The following ASTN1 variants were observed in gnomAD, a reference collection of about 807,000 sequenced individuals.
ASTN1 encodes the protein astrotactin 1.
ASTN1 carries 41 observed loss-of-function variants against 140.7 expected under a neutral mutation model. That is an observed-to-expected ratio of 0.29 (90% CI 0.23 to 0.38). The LOEUF is 0.38. ASTN1 is among the 10% of genes least tolerant of loss of function. The pLI is 1.00. For missense variants in ASTN1, 1,479 were observed against 1,678.8 expected (o/e 0.88, Z 2.08); for synonymous variants, 640 against 652.2 (o/e 0.98, Z 0.29).
intron 1 of ASTN1, among the ~76,000 whole-genome samples, chr1:177,118,464 T>G (rs1681206434): frequency 6.6e-6 from 1 of 152,172 alleles, no homozygotes. Flanking sequence ...TATCTTCATA[T>G]TCTTGGTGTC....
intron 16 of ASTN1, among the ~76,000 whole-genome samples, chr1:176,901,719 C>A (rs112200750): frequency 0.014 from 2,140 of 152,270 alleles, 49 homozygotes; most frequent in African/African-American, 0.049. Flanking sequence ...GGAGCCCTTC[C>A]CAGTCTCCAG....
chr1:176,937,845 C>T (rs1439607587), intron 14 of ASTN1, among the ~76,000 whole-genome samples: 1 of 152,054 alleles, frequency 6.6e-6, no homozygotes, highest in African/African-American at 2.4e-5. Context: ...CCATTTCGAC[C>T]CATGTTTCTT....
intron 1 of ASTN1, among the ~76,000 whole-genome samples, chr1:177,070,624 T>C (rs1053516337): frequency 6.6e-6 from 1 of 152,206 alleles, no homozygotes; most frequent in Non-Finnish European, 1.5e-5. Flanking sequence ...TCAGTATTCA[T>C]GAACTAACTT....
intron 13 of ASTN1, among the ~76,000 whole-genome samples, chr1:176,945,488 G>A (rs1275065807): frequency 1.3e-5 from 2 of 152,140 alleles, no homozygotes; most frequent in African/African-American, 2.4e-5. Flanking sequence ...TGTTTGGGAA[G>A]AAAATTCAGC....
intron 3 of ASTN1, among the ~76,000 whole-genome samples, chr1:177,031,742 G>C (rs1410474703): frequency 1.3e-5 from 2 of 152,098 alleles, no homozygotes; most frequent in Non-Finnish European, 2.9e-5. Flanking sequence ...CACTGTCAAG[G>C]GTTTATCTAT....
chr1:176,971,472 C>A (rs780607109), intron 8 of ASTN1, among the ~76,000 whole-genome samples: 1 of 152,112 alleles, frequency 6.6e-6, no homozygotes, highest in Non-Finnish European at 1.5e-5. Flanking sequence ...GGCCTTGAGG[C>A]CTTTGCAGAT....
chr1:177,025,897 A>G (rs16850648), intron 5 of ASTN1, among the ~76,000 whole-genome samples: 4,021 of 152,222 alleles, frequency 0.026, 171 homozygotes, highest in African/African-American at 0.09. Context: ...CTTAGGAGGC[A>G]GCTCCCCTGG....
At chr1:176,891,218 A>G (rs954452429) in intron 17 of ASTN1, among the ~76,000 whole-genome samples, 4 of 152,316 alleles carry the variant, frequency 2.6e-5, no homozygotes, top group Admixed American at 2.0e-4. Context: ...GGGAATCCAC[A>G]TTTGTTATCA....
chr1:176,946,672 C>A (rs1163814228), intron 12 of ASTN1, among the ~76,000 whole-genome samples: 2 of 152,170 alleles, frequency 1.3e-5, no homozygotes, highest in East Asian at 1.9e-4. Context: ...AACACAATAT[C>A]AACCCATAAA....
intron 8 of ASTN1, among the ~76,000 whole-genome samples, chr1:177,004,166 A>G (rs1674876824): frequency 6.6e-6 from 1 of 152,198 alleles, no homozygotes. Context: ...TGGCACTGCT[A>G]TAAACCAACA....
intron 11 of ASTN1, among the ~76,000 whole-genome samples, chr1:176,952,878 C>T (rs1672250473): frequency 6.6e-6 from 1 of 152,156 alleles, no homozygotes. Context: ...ATATATTAAC[C>T]CTTCTTTGCA....
chr1:176,891,775 A>T (rs1452719236), intron 17 of ASTN1, among the ~76,000 whole-genome samples: 1 of 152,184 alleles, frequency 6.6e-6, no homozygotes, highest in East Asian at 1.9e-4. Flanking sequence ...CCTGGGCAAC[A>T]AGAGCAAAAC....
rs555253499 is a variant in ASTN1, at chr1:177,043,670, T to G, written c.472-10821A>C. Among the ~76,000 whole-genome samples the G allele has an allele frequency of 6.6e-5, 10 of 152,358 alleles. No individual in the cohort carries two copies. In the East Asian group the frequency reaches 1.5e-3, roughly 23 times the overall value. ...GTACCATTCCAGCTGTGACTCAATC[T>G]TGGCATCCAAGTAAGATGCACATTA... is the stretch of plus-strand genomic sequence containing the variant. On this transcript the variant is annotated intron_variant, in intron 2 of 22. Transcript: ENST00000361833.
intron 1 of ASTN1, among the ~76,000 whole-genome samples, chr1:177,109,357 TAGA>T (rs1168540794): frequency 6.6e-6 from 1 of 152,130 alleles, no homozygotes; most frequent in African/African-American, 2.4e-5. Flanking sequence ...GATAAATTGT[TAGA>T]AGATGTTTGA....
At chr1:177,027,072 T>A (rs1442902004) in intron 5 of ASTN1, among the ~76,000 whole-genome samples, 1 of 152,230 alleles carries the variant, frequency 6.6e-6, no homozygotes, top group Non-Finnish European at 1.5e-5. Flanking sequence ...TACTGCTCCC[T>A]GACAAGACCA....
intron 17 of ASTN1, 38 bp downstream of exon 17, chr1:176,894,524 T>G: frequency 6.2e-7 from 1 of 1,602,896 alleles, no homozygotes; most frequent in Non-Finnish European, 8.5e-7. Flanking sequence ...TCTGTTGTGG[T>G]TGACGCCTCC....
chr1:176,895,655 G>C (rs915550999), intron 16 of ASTN1, among the ~76,000 whole-genome samples: 1 of 152,222 alleles, frequency 6.6e-6, no homozygotes. Flanking sequence ...GTAAAGGATA[G>C]TTAAAGAATC....
At chr1:177,051,859 G>A (rs763499691) in intron 2 of ASTN1, among the ~76,000 whole-genome samples, 4 of 152,138 alleles carry the variant, frequency 2.6e-5, no homozygotes, top group Admixed American at 2.0e-4. Context: ...AATCTTGTAT[G>A]TGTGGATACC....
chr1:177,085,706 A>C (rs1679431621), intron 1 of ASTN1, among the ~76,000 whole-genome samples: 1 of 152,182 alleles, frequency 6.6e-6, no homozygotes, highest in African/African-American at 2.4e-5. Context: ...AGAATAATGC[A>C]TCAATGGCCT....
Sources: allele counts gnomAD v4.1 joint callset (sites outside exome capture counted in the v4.1 genomes callset), GRCh38; gene constraint gnomAD v4.1.1; transcripts MANE v1.5; gene names NCBI Gene and HGNC (gene_info 2026-07-23, HGNC 2026-07-21).